Variants in TTLL11 observed in about 807,000 individuals in gnomAD.
The protein encoded by TTLL11 is tubulin polyglutamylase TTLL11.
A neutral mutation model predicts 51.7 loss-of-function variants in TTLL11; 42 were observed. The observed-to-expected ratio is 0.81, with a 90% confidence interval of 0.64 to 1.05. The LOEUF (loss-of-function observed/expected upper bound fraction) is 1.05, where lower values mean the gene tolerates loss of function less well. Ranked by LOEUF, TTLL11 falls within the 50% of genes least tolerant of loss-of-function variation. The pLI, the probability that TTLL11 is intolerant of heterozygous loss-of-function variation, is 0.00. For missense variants in TTLL11, 799 were observed against 940.4 expected (o/e 0.85, Z 1.97); for synonymous variants, 381 against 383.5 (o/e 0.99, Z 0.08).
Position 122,092,706 on chromosome 9 carries a change from C to T in TTLL11, c.443G>A (p.Arg148His), listed in dbSNP as rs759537854. The change falls in exon 1 of 9, where the codon CGC becomes CAC. Residue 148 changes from arginine to histidine, a missense_variant. By Grantham distance (29) the Arg-to-His change is conservative. Transcript: ENST00000321582. ...CCTCACCTCCTTCCACTTGAGCTGG[C>T]GGATGCTGATCTTCAGGGCATCCAG... ...TSLDALKISI[R>H]QLKWKEFPFG... 1.5e-5 allele frequency: 23 copies of T among 1,537,524 alleles called. No individual in the cohort carries two copies. The South Asian group carries it at 2.6e-4, about 18-fold the overall frequency.
intron 6 of TTLL11, among the ~76,000 whole-genome samples, chr9:121,966,625 C>T (rs889711889): frequency 5.3e-5 from 8 of 152,104 alleles, no homozygotes; most frequent in South Asian, 2.1e-4. Flanking sequence ...GGAAATTTTC[C>T]GTTGATTATT....
intron 1 of TTLL11, among the ~76,000 whole-genome samples, chr9:122,076,876 G>GA (rs1466579609): frequency 6.6e-6 from 1 of 152,098 alleles, no homozygotes; most frequent in African/African-American, 2.4e-5. Context: ...TCCTCACCTA[G>GA]AAATGTCTTA....
At chr9:121,831,018 T>C (rs1283023796) in intron 8 of TTLL11, among the ~76,000 whole-genome samples, 1 of 151,874 alleles carries the variant, frequency 6.6e-6, no homozygotes, top group East Asian at 1.9e-4. Context: ...GTGGAGGTGG[T>C]GAGGGATGAT....
rs1372534018 is a variant in TTLL11 at position 122,044,170 on chromosome 9, C to T, written c.463-4802G>A. ...GATGGTTTCCAGCTTCATCCATGTC[C>T]CTATAAAGGACATGAACTCATCCTT... is the stretch of plus-strand genomic sequence containing the variant. On this transcript the variant is annotated intron_variant, in intron 1 of 8. Transcript: ENST00000321582. Among the ~76,000 whole-genome samples the T allele has an allele frequency of 4.6e-5, 7 of 152,208 alleles. No homozygotes were observed. In the East Asian group the frequency reaches 1.4e-3, roughly 29 times the overall value.
chr9:121,973,091 G>C (rs1176120314), intron 6 of TTLL11, among the ~76,000 whole-genome samples: 1 of 152,234 alleles, frequency 6.6e-6, no homozygotes. Context: ...CACCTACTTT[G>C]TGAGAGCCTG....
intron 6 of TTLL11, among the ~76,000 whole-genome samples, chr9:121,925,674 T>G (rs911181733): frequency 6.6e-6 from 1 of 152,160 alleles, no homozygotes; most frequent in Non-Finnish European, 1.5e-5. Flanking sequence ...CTCCACAGGC[T>G]CCCGCAGCTG....
intron 6 of TTLL11, among the ~76,000 whole-genome samples, chr9:121,964,142 T>C (rs950170318): frequency 1.3e-5 from 2 of 151,190 alleles, no homozygotes; most frequent in African/African-American, 4.9e-5. Context: ...AACCTGCTCA[T>C]GGACCCCCGA....
chr9:121,882,715 C>T (rs1398990989), intron 6 of TTLL11, among the ~76,000 whole-genome samples: 1 of 152,086 alleles, frequency 6.6e-6, no homozygotes, highest in Non-Finnish European at 1.5e-5. Flanking sequence ...CTCTGTCCTG[C>T]CCACCCCTTC....
intron 8 of TTLL11, among the ~76,000 whole-genome samples, chr9:121,826,623 G>A (rs1836816020): frequency 6.8e-6 from 1 of 147,132 alleles, no homozygotes. Context: ...GCAGGGCTGG[G>A]ATTTGAACCC....
intron 8 of TTLL11, among the ~76,000 whole-genome samples, chr9:121,851,968 T>A (rs1837674712): frequency 6.6e-6 from 1 of 152,068 alleles, no homozygotes; most frequent in Non-Finnish European, 1.5e-5. Flanking sequence ...CCTGGGAGAA[T>A]TTGAGGGCCG....
At chr9:121,899,338 ACT>A (rs1190406920) in intron 6 of TTLL11, among the ~76,000 whole-genome samples, 2 of 132,694 alleles carry the variant, frequency 1.5e-5, no homozygotes, top group African/African-American at 5.8e-5. Flanking sequence ...CTATTAATTC[ACT>A]CTGTGTGTGT....
chr9:121,881,638 C>T (rs1296920235), intron 6 of TTLL11, among the ~76,000 whole-genome samples: 4 of 152,244 alleles, frequency 2.6e-5, no homozygotes, highest in African/African-American at 9.6e-5. Flanking sequence ...GAGTTCATGA[C>T]ATTTGTATCC....
At chr9:122,028,597 A>G (rs916171827) in intron 3 of TTLL11, among the ~76,000 whole-genome samples, 2 of 152,214 alleles carry the variant, frequency 1.3e-5, no homozygotes, top group African/African-American at 2.4e-5. Flanking sequence ...GGAAATTTCA[A>G]CACTAACTTA....
At chr9:121,892,692 T>A (rs1177206384) in intron 6 of TTLL11, among the ~76,000 whole-genome samples, 1 of 152,184 alleles carries the variant, frequency 6.6e-6, no homozygotes, top group Non-Finnish European at 1.5e-5. Flanking sequence ...CCTGAATGAA[T>A]GACCTGCCAT....
At chr9:121,870,135 G>A (rs777043229) in intron 7 of TTLL11, among the ~76,000 whole-genome samples, 3 of 152,080 alleles carry the variant, frequency 2.0e-5, no homozygotes, top group African/African-American at 7.2e-5. Flanking sequence ...GTGGCTTCAC[G>A]AACGCCAAAC....
At chr9:122,059,232 C>T (rs543888876) in intron 1 of TTLL11, among the ~76,000 whole-genome samples, 1 of 152,266 alleles carries the variant, frequency 6.6e-6, no homozygotes, top group South Asian at 2.1e-4. Context: ...AAACATTAAT[C>T]GAATGCCTAT....
At chr9:121,841,195 C>T (rs998430371) in intron 8 of TTLL11, among the ~76,000 whole-genome samples, 1 of 152,134 alleles carries the variant, frequency 6.6e-6, no homozygotes, top group Non-Finnish European at 1.5e-5. Flanking sequence ...CGTTGGCTGG[C>T]CCCAAGCAGC....
intron 1 of TTLL11, among the ~76,000 whole-genome samples, chr9:122,079,529 G>A (rs762745323): frequency 5.9e-5 from 9 of 151,854 alleles, no homozygotes; most frequent in Non-Finnish European, 1.5e-5. Flanking sequence ...GGCTGACATG[G>A]TGAAACCCCG....
chr9:121,930,228 C>T (rs191556934), intron 6 of TTLL11, among the ~76,000 whole-genome samples: 21 of 152,316 alleles, frequency 1.4e-4, no homozygotes, highest in Admixed American at 2.6e-4. Flanking sequence ...CGGAAAAAGA[C>T]TCCCTGTCAT....
Sources: gnomAD v4.1 joint callset for allele counts (sites outside exome capture counted in the v4.1 genomes callset) on GRCh38, gnomAD v4.1.1 for gene constraint, MANE v1.5 for transcripts, NCBI Gene and HGNC (gene_info 2026-07-23, HGNC 2026-07-21) for gene names.